SAXO1: variants seen among roughly 807,000 people sequenced by gnomAD.
SAXO1 encodes the protein 4930500O09Rik.
A neutral mutation model predicts 17.5 loss-of-function variants in SAXO1; 21 were observed. That is an observed-to-expected ratio of 1.20 (90% CI 0.85 to 1.72). The LOEUF (loss-of-function observed/expected upper bound fraction) is 1.72. Ranked by LOEUF, SAXO1 falls within the 40% of genes most tolerant of loss-of-function variation. SAXO1 has a pLI of 0.00. For synonymous variants in SAXO1, 274 were observed against 216.5 expected, an observed-to-expected ratio of 1.27 and a Z score of -2.33; for missense variants, 843 against 596.0, an observed-to-expected ratio of 1.41 and a Z score of -4.32.
intron 1 of SAXO1, among the ~76,000 whole-genome samples, chr9:18,953,877 G>C (rs1347235473): frequency 1.3e-5 from 2 of 152,124 alleles, no homozygotes; most frequent in African/African-American, 2.4e-5. Flanking sequence ...AACATTAGTA[G>C]AGCCAAAAAG....
intron 1 of SAXO1, among the ~76,000 whole-genome samples, chr9:19,041,106 C>A (rs946685101): frequency 1.7e-5 from 2 of 114,462 alleles, no homozygotes; most frequent in Admixed American, 9.5e-5. Context: ...TTGCAGGATA[C>A]AAAACCAACA....
intron 1 of SAXO1, among the ~76,000 whole-genome samples, chr9:19,032,533 G>A (rs1835811632): frequency 6.6e-6 from 1 of 152,210 alleles, no homozygotes; most frequent in Non-Finnish European, 1.5e-5. Context: ...CCCAAAAGGA[G>A]CAAGACTGGT....
chr9:18,932,537 C>T (rs1831100019), intron 3 of SAXO1, among the ~76,000 whole-genome samples: 1 of 152,110 alleles, frequency 6.6e-6, no homozygotes, highest in Non-Finnish European at 1.5e-5. Flanking sequence ...ATATATAAAA[C>T]CTAAAATTAC....
chr9:19,005,835 A>G (rs1192128966), intron 1 of SAXO1, among the ~76,000 whole-genome samples: 6 of 152,246 alleles, frequency 3.9e-5, no homozygotes, highest in Non-Finnish European at 7.3e-5. Context: ...AAGGTAAGCT[A>G]CAGGCTGGGA....
upstream of SAXO1, among the ~76,000 whole-genome samples, chr9:19,035,807 A>G (rs112017543): frequency 6.6e-6 from 1 of 152,128 alleles, no homozygotes; most frequent in African/African-American, 2.4e-5. Flanking sequence ...CTAGAGATCT[A>G]TGGAAGTTTG....
chr9:19,044,088 T>G (rs1044266496), intron 1 of SAXO1, among the ~76,000 whole-genome samples: 1 of 151,022 alleles, frequency 6.6e-6, no homozygotes, highest in African/African-American at 2.4e-5. Context: ...GAGGCTGCAG[T>G]GTGTCATGCC....
chr9:18,986,713 G>A (rs1417629144), intron 1 of SAXO1, among the ~76,000 whole-genome samples: 5 of 152,158 alleles, frequency 3.3e-5, no homozygotes, highest in African/African-American at 1.2e-4. Flanking sequence ...TCAATAGTAG[G>A]AAGCAAGGGG....
At chr9:19,038,822 CA>C (rs920462375) in intron 1 of SAXO1, among the ~76,000 whole-genome samples, 1 of 151,574 alleles carries the variant, frequency 6.6e-6, no homozygotes, top group Non-Finnish European at 1.5e-5. Context: ...CAGGGTGAGG[CA>C]AAGCCTTTAA....
At chr9:18,934,003 A>AC (rs1831179217) in intron 3 of SAXO1, among the ~76,000 whole-genome samples, 10 of 152,282 alleles carry the variant, frequency 6.6e-5, no homozygotes, top group Non-Finnish European at 1.5e-4. Context: ...CCGAGATTGC[A>AC]GCCACTGCAC....
chr9:18,976,262 C>T (rs1248735382), intron 1 of SAXO1, among the ~76,000 whole-genome samples: 1 of 152,076 alleles, frequency 6.6e-6, no homozygotes, highest in Non-Finnish European at 1.5e-5. Context: ...TTCTCTAGGG[C>T]TGAAAAACTT....
chr9:18,944,257 C>G (rs1426739729), intron 2 of SAXO1, among the ~76,000 whole-genome samples: 3 of 152,110 alleles, frequency 2.0e-5, no homozygotes, highest in African/African-American at 7.2e-5. Context: ...TAAAGTTTGA[C>G]TTTTTTATAA....
chr9:18,956,110 ATTTTTTT>A (rs34950206), intron 1 of SAXO1, among the ~76,000 whole-genome samples: 3 of 128,812 alleles, frequency 2.3e-5, no homozygotes, highest in South Asian at 2.4e-4. Flanking sequence ...AACCTGGCTA[ATTTTTTT>A]TTTTTTTTTT....
At chr9:19,014,398 T>C (rs1045806554) in intron 1 of SAXO1, among the ~76,000 whole-genome samples, 1 of 149,240 alleles carries the variant, frequency 6.7e-6, no homozygotes, top group African/African-American at 2.5e-5. Context: ...GGGGGCAAGG[T>C]TGCAGTTAGC....
intron 1 of SAXO1, among the ~76,000 whole-genome samples, chr9:18,951,768 C>T (rs1832049106): frequency 6.6e-6 from 1 of 152,192 alleles, no homozygotes; most frequent in African/African-American, 2.4e-5. Flanking sequence ...CCTTTATCAA[C>T]CTTGTTCACT....
chr9:18,988,397 A>G (rs1313614340), intron 1 of SAXO1, among the ~76,000 whole-genome samples: 1 of 152,228 alleles, frequency 6.6e-6, no homozygotes, highest in Non-Finnish European at 1.5e-5. Context: ...TGAGTCACCC[A>G]AACCCCTAAA....
At chr9:19,017,453 A>G (rs139957072) in intron 1 of SAXO1, among the ~76,000 whole-genome samples, 106 of 152,372 alleles carry the variant, frequency 7.0e-4, no homozygotes, top group African/African-American at 2.4e-3. Flanking sequence ...AGACAGGGAC[A>G]CTGGCAGCAC....
chr9:18,964,088 T>G (rs940402184), intron 1 of SAXO1, among the ~76,000 whole-genome samples: 1 of 152,232 alleles, frequency 6.6e-6, no homozygotes, highest in Non-Finnish European at 1.5e-5. Flanking sequence ...GATTTGCAAA[T>G]GTTTAACCAA....
intron 3 of SAXO1, among the ~76,000 whole-genome samples, chr9:18,940,246 CAA>C (rs909976114): frequency 6.6e-6 from 1 of 152,186 alleles, no homozygotes. Flanking sequence ...CCGATGTGCA[CAA>C]AGACTTCAGA....
intron 1 of SAXO1, among the ~76,000 whole-genome samples, chr9:18,984,797 C>T (rs1833531145): frequency 6.6e-6 from 1 of 152,200 alleles, no homozygotes; most frequent in African/African-American, 2.4e-5. Flanking sequence ...TGGAGTAGCA[C>T]TTTGAATTTC....
Sources: gnomAD v4.1 joint callset for allele counts (sites outside exome capture counted in the v4.1 genomes callset) on GRCh38, gnomAD v4.1.1 for gene constraint, MANE v1.5 for transcripts, NCBI Gene and HGNC (gene_info 2026-07-23, HGNC 2026-07-21) for gene names.